The following FLNB variants were observed in gnomAD, a reference collection of about 807,000 sequenced individuals.
FLNB encodes the protein filamin-B.
A neutral mutation model predicts 250.6 loss-of-function variants in FLNB; 111 were observed. The observed-to-expected ratio is 0.44, with a 90% CI of 0.38 to 0.52. The LOEUF is 0.52. Among genes scored for constraint, FLNB ranks in the 20% least tolerant of loss-of-function variants. The pLI is 0.00. For synonymous variants in FLNB, 1,302 were observed against 1,372.1 expected (o/e 0.95, Z 1.13); for missense variants, 2,869 against 3,447.8 (o/e 0.83, Z 4.20).
chr3:58,104,129 G>A, intron 10 of FLNB, 44 bp downstream of exon 10: 1 of 1,608,538 alleles, frequency 6.2e-7, no homozygotes, highest in Non-Finnish European at 8.5e-7. Flanking sequence ...AGGGTGCTCG[G>A]CCCAGGGCGG....
Position 58,153,609 on chromosome 3 carries a change from C to G in FLNB, c.6602C>G (p.Pro2201Arg). The G allele has an allele frequency of 6.2e-7, 1 of 1,614,148 alleles. No homozygotes were observed. The highest frequency in any genetic ancestry group is 8.5e-7 in the Non-Finnish European group (1 of 1,180,038). The change falls in exon 39 of 46, where the codon CCT becomes CGT. Residue 2201 changes from proline to arginine, a missense_variant. Around this residue, in one of 5 missense-constraint regions of FLNB, gnomAD observed 1,084 missense variants for 1,315.5 expected, o/e 0.82. Transcript: ENST00000295956. ...GGAHKVRAGG[P>R]GLERGEAGVP... ...GCCCACAAGGTGCGGGCAGGAGGCCCTGGCCTGGAGAGAGGAGAAGCGGGA... is the reference window on the plus strand; with the variant it reads ...GCCCACAAGGTGCGGGCAGGAGGCCGTGGCCTGGAGAGAGGAGAAGCGGGA...
intron 1 of FLNB, among the ~76,000 whole-genome samples, chr3:58,040,037 T>C (rs567846541): frequency 1.3e-5 from 2 of 152,160 alleles, no homozygotes; most frequent in African/African-American, 4.8e-5. Context: ...TGCAGCTACT[T>C]GGGAGGCTGA....
chr3:58,080,816 C>CACA (rs1293058190), intron 3 of FLNB, among the ~76,000 whole-genome samples: 1 of 138,952 alleles, frequency 7.2e-6, no homozygotes, highest in African/African-American at 2.8e-5. Context: ...AAAGAGACAG[C>CACA]GTCTTACTCC....
At chr3:58,054,375 T>C (rs895485618) in intron 1 of FLNB, among the ~76,000 whole-genome samples, 11 of 152,216 alleles carry the variant, frequency 7.2e-5, no homozygotes, top group Non-Finnish European at 2.9e-5. Flanking sequence ...ATTTCCATCG[T>C]TGCAGAAACT....
intron 39 of FLNB, among the ~76,000 whole-genome samples, chr3:58,154,257 T>C (rs2097349840): frequency 6.6e-6 from 1 of 152,134 alleles, no homozygotes; most frequent in Non-Finnish European, 1.5e-5. Context: ...TAAGATGTAT[T>C]CAGGGCTGGG....
At chr3:58,106,499 AC>A (rs1454772446) in intron 11 of FLNB, among the ~76,000 whole-genome samples, 180 bp from the exon 12 acceptor site, 2 of 151,212 alleles carry the variant, frequency 1.3e-5, no homozygotes, top group African/African-American at 4.9e-5. Flanking sequence ...TATATTTTCC[AC>A]CCCTTCCATC....
chr3:58,123,017 T>TCAGATGCACTTCC (rs2097291694), intron 20 of FLNB, 76 bp from the exon 21 acceptor site: 3 of 1,315,746 alleles, frequency 2.3e-6, no homozygotes, highest in Non-Finnish European at 3.3e-6. Context: ...ATGCTGATTA[T>TCAGATGCACTTCC]ATGCATGGGT....
chr3:58,146,636 G>C, intron 33 of FLNB, 184 bp from the exon 34 acceptor site: 1 of 632,810 alleles, frequency 1.6e-6, no homozygotes, highest in African/African-American at 1.8e-5. Flanking sequence ...TTTCTTCTCA[G>C]TGGGTGTTTT....
At chr3:58,097,576 G>A (rs769524300) in intron 6 of FLNB, among the ~76,000 whole-genome samples, 1 of 152,158 alleles carries the variant, frequency 6.6e-6, no homozygotes, top group African/African-American at 2.4e-5. Flanking sequence ...TGTATATAAG[G>A]TCAGCATTTT....
At chr3:58,132,096 C>T in intron 25 of FLNB, 5 of 922,844 alleles carry the variant, frequency 5.4e-6, no homozygotes, top group Non-Finnish European at 8.5e-6. Context: ...ATTGCTTACA[C>T]CTGCCTCATC....
At chr3:58,159,122 C>T (rs1414818791) in intron 41 of FLNB, among the ~76,000 whole-genome samples, 1 of 152,032 alleles carries the variant, frequency 6.6e-6, no homozygotes, top group Non-Finnish European at 1.5e-5. Flanking sequence ...CCAGGTCTGC[C>T]CTTGAGATAA....
intron 5 of FLNB, among the ~76,000 whole-genome samples, chr3:58,095,229 G>GTATTTATT (rs1553694995): frequency 4.4e-4 from 65 of 147,808 alleles, no homozygotes; most frequent in East Asian, 1.2e-3. Flanking sequence ...GTTTATGTAT[G>GTATTTATT]TATTTATTTA....
At position 58,109,784 on chromosome 3, in the gene FLNB, T is replaced by G; in HGVS notation, c.2323+85T>G. ...CATAACGTTTCAATGCCTTTTGAACTAGGAAGTAGTCCATCTGAATAGGTA... is the reference window on the plus strand; with the variant it reads ...CATAACGTTTCAATGCCTTTTGAACGAGGAAGTAGTCCATCTGAATAGGTA... On this transcript the variant is annotated intron_variant, in intron 15 of 45. Coordinates refer to ENST00000295956, the MANE Select transcript of FLNB (RefSeq NM_001457.4). The G allele has an allele frequency of 2.5e-6, 4 of 1,571,618 alleles. No homozygotes were observed. The South Asian group carries it at 4.5e-5, about 18-fold the overall frequency.
rs1023245486 is a variant in FLNB at position 58,109,180 on chromosome 3, A to G, written c.2057A>G (p.Asp686Gly). The change falls in exon 14 of 46, where the codon GAT becomes GGT. Residue 686 changes from aspartate to glycine, a missense_variant and splice_region_variant. Coordinates refer to ENST00000295956, the MANE Select transcript of FLNB (RefSeq NM_001457.4). ...GTCCTAGCTCTGGCTTTTTTGCAGG[A>G]TGGGGAAGGCCAACGCATTGACATC... The part of the protein sequence containing the change: ...GKAPLKIFAQ[D>G]GEGQRIDIQM... 1.1e-5 allele frequency: 18 copies of G among 1,614,036 alleles called. No homozygotes were observed. In the Admixed American group the frequency reaches 2.0e-4, roughly 18 times the overall value.
chr3:58,103,070 C>T (rs564322515), intron 9 of FLNB, among the ~76,000 whole-genome samples: 46 of 152,280 alleles, frequency 3.0e-4, no homozygotes, highest in African/African-American at 9.6e-4. Flanking sequence ...CAGGATTGCT[C>T]TTACCTTCTG....
At chr3:58,076,440 T>C (rs1447713891) in intron 1 of FLNB, among the ~76,000 whole-genome samples, 2 of 152,160 alleles carry the variant, frequency 1.3e-5, no homozygotes, top group African/African-American at 2.4e-5. Flanking sequence ...CTTTTTGTTG[T>C]GTATATTTGT....
chr3:58,054,224 T>C (rs1017526401), intron 1 of FLNB, among the ~76,000 whole-genome samples: 1 of 152,220 alleles, frequency 6.6e-6, no homozygotes, highest in Non-Finnish European at 1.5e-5. Flanking sequence ...TTACCTTTGA[T>C]TTGACTGTTC....
At position 58,122,510 on chromosome 3, in the gene FLNB, A is replaced by AT. The variant is rs1346007414; in HGVS notation, c.3127-583_3127-582insT. ...TCCGTCCCCTCCAAAAAAAAAAAAA[A>AT]AAGTTCATCGTCATTTCTTCATAGT... On this transcript the variant is annotated intron_variant, in intron 20 of 45. Transcript: ENST00000295956. Among the ~76,000 whole-genome samples the AT allele has an allele frequency of 6.6e-5, 10 of 152,242 alleles. No homozygotes were observed. In the South Asian group the frequency reaches 2.1e-3, roughly 32 times the overall value.
At chr3:58,140,781 G>A (rs903073063) in intron 29 of FLNB, among the ~76,000 whole-genome samples, 1 of 152,024 alleles carries the variant, frequency 6.6e-6, no homozygotes, top group East Asian at 1.9e-4. Flanking sequence ...GCTATTTTTT[G>A]TATATTTAGT....
Sources: allele counts gnomAD v4.1 joint callset (sites outside exome capture counted in the v4.1 genomes callset), GRCh38; gene constraint gnomAD v4.1.1; regional missense constraint gnomAD v4.1.1; transcripts MANE v1.5; gene names NCBI Gene and HGNC (gene_info 2026-07-23, HGNC 2026-07-21).